MNAT1: variants seen among roughly 807,000 people sequenced by gnomAD.
The protein encoded by MNAT1 is MNAT1 component of CDK activating kinase, also known as CDK-activating kinase assembly factor MAT1.
A neutral mutation model predicts 42.0 loss-of-function variants in MNAT1; 43 were observed. The ratio of observed to expected loss-of-function variants is 1.02; its 90% CI spans 0.80 to 1.32. The LOEUF is 1.32. MNAT1 is among the 40% of genes most tolerant of loss of function. MNAT1 has a pLI of 0.00. For synonymous variants in MNAT1, 118 were observed against 120.0 expected (o/e 0.98, Z 0.11); for missense variants, 306 against 350.4 (o/e 0.87, Z 1.01).
intron 1 of MNAT1, among the ~76,000 whole-genome samples, chr14:60,777,912 C>A (rs2031309879): frequency 6.6e-6 from 1 of 152,096 alleles, no homozygotes; most frequent in African/African-American, 2.4e-5. Context: ...GATGGTTATG[C>A]TTAGTTGGCT....
chr14:60,779,173 G>A (rs2031356386), intron 1 of MNAT1, among the ~76,000 whole-genome samples: 1 of 152,196 alleles, frequency 6.6e-6, no homozygotes, highest in Admixed American at 6.5e-5. Flanking sequence ...TATGGACAGA[G>A]AAGAATATGT....
chr14:60,930,815 A>G (rs2035868486), intron 7 of MNAT1, among the ~76,000 whole-genome samples: 1 of 152,160 alleles, frequency 6.6e-6, no homozygotes, highest in Non-Finnish European at 1.5e-5. Context: ...TCAAATCATG[A>G]AGAATCTTAT....
chr14:60,889,388 G>T (rs1398828827), intron 7 of MNAT1, among the ~76,000 whole-genome samples: 5 of 152,012 alleles, frequency 3.3e-5, no homozygotes. Flanking sequence ...TGGGAAAACT[G>T]GCTAGCCATA....
At chr14:60,827,472 A>G (rs570708949) in intron 6 of MNAT1, among the ~76,000 whole-genome samples, 14 of 152,312 alleles carry the variant, frequency 9.2e-5, no homozygotes, top group African/African-American at 3.1e-4. Context: ...TATGTGAGTT[A>G]TAGAAAATTA....
At chr14:60,917,991 C>A (rs949496686) in intron 7 of MNAT1, among the ~76,000 whole-genome samples, 1 of 151,986 alleles carries the variant, frequency 6.6e-6, no homozygotes, top group Non-Finnish European at 1.5e-5. Context: ...TGGATTCAGG[C>A]TTTCAAATAC....
chr14:60,912,389 G>A (rs930166748), intron 7 of MNAT1, among the ~76,000 whole-genome samples: 52 of 152,162 alleles, frequency 3.4e-4, no homozygotes, highest in African/African-American at 9.9e-4. Flanking sequence ...TATTTTGCTC[G>A]TTAGTTGATG....
Position 60,780,350 on chromosome 14 carries a change from CA to C in MNAT1, c.90-15866del. The C allele has an allele frequency of 3.2e-6, 5 of 1,574,502 alleles. No individual in the cohort carries two copies. In the South Asian group the frequency reaches 5.5e-5, roughly 17 times the overall value. ...CAGAGAAAAGTCTCAGAAAGCTATT[CA>C]GGATGAAATCCGTTCAGTCATCAGA... On this transcript the variant is annotated intron_variant, in intron 1 of 7. Coordinates refer to ENST00000261245, the MANE Select transcript of MNAT1 (RefSeq NM_002431.4).
intron 1 of MNAT1, among the ~76,000 whole-genome samples, chr14:60,761,157 A>G (rs1387648857): frequency 2.0e-5 from 3 of 152,156 alleles, no homozygotes; most frequent in Non-Finnish European, 4.4e-5. Context: ...GTGTGAAGCA[A>G]CGTGTACTGG....
chr14:60,899,908 A>G (rs1045884754), intron 7 of MNAT1, among the ~76,000 whole-genome samples: 1 of 151,096 alleles, frequency 6.6e-6, no homozygotes, highest in Non-Finnish European at 1.5e-5. Context: ...GCATGATTTT[A>G]TCTGTGTGGT....
chr14:60,848,108 C>T (rs968366407), intron 6 of MNAT1, among the ~76,000 whole-genome samples: 1 of 152,152 alleles, frequency 6.6e-6, no homozygotes, highest in Non-Finnish European at 1.5e-5. Context: ...ACTATTTTTA[C>T]AGATTCCTCA....
intron 5 of MNAT1, among the ~76,000 whole-genome samples, chr14:60,817,002 G>T (rs2032736353): frequency 6.6e-6 from 1 of 151,646 alleles, no homozygotes; most frequent in African/African-American, 2.4e-5. Flanking sequence ...CTTTTTTTTT[G>T]AAGTTAATAC....
In MNAT1 at chr14:60,784,685, G is replaced by A. The variant is rs1238401482; in HGVS notation, c.90-11532G>A. 5.9e-5 allele frequency among the ~76,000 whole-genome samples: 9 copies of A among 151,340 alleles called. No individual in the cohort carries two copies. The East Asian group carries it at 1.8e-3, about 30-fold the overall frequency. On this transcript the variant is annotated intron_variant, in intron 1 of 7. Transcript: ENST00000261245. Reference sequence around the variant, plus strand: ...TCTACATGTTGGCCAGGCTAGTCTCGAACTCCTGACTTTGTGATCCGCCCA... The same window carrying A: ...TCTACATGTTGGCCAGGCTAGTCTCAAACTCCTGACTTTGTGATCCGCCCA...
rs541694959 is a variant in MNAT1, at chr14:60,747,134, G to A, written c.89+12183G>A. Among the ~76,000 whole-genome samples the A allele has an allele frequency of 1.1e-4, 16 of 150,086 alleles. No homozygotes were observed. In the East Asian group the frequency reaches 1.6e-3, roughly 15 times the overall value. ...CTGAGTAGCTGGACTACAGGTGCCC[G>A]CCACCACGCCCGGCTAATTTTTTGT... On this transcript the variant is annotated intron_variant, in intron 1 of 7. Coordinates refer to ENST00000261245, the MANE Select transcript of MNAT1 (RefSeq NM_002431.4).
At chr14:60,838,152 T>G in intron 6 of MNAT1, among the ~76,000 whole-genome samples, 1 of 152,146 alleles carries the variant, frequency 6.6e-6, no homozygotes, top group African/African-American at 2.4e-5. Flanking sequence ...TTTCTTTTTT[T>G]TAGGCAGTAT....
chr14:60,906,689 T>G (rs1238028848), intron 7 of MNAT1, among the ~76,000 whole-genome samples: 1 of 152,180 alleles, frequency 6.6e-6, no homozygotes, highest in African/African-American at 2.4e-5. Flanking sequence ...TTGTGTTGTT[T>G]ATAGAGATTT....
intron 7 of MNAT1, among the ~76,000 whole-genome samples, chr14:60,894,376 T>G (rs1189499799): frequency 6.6e-6 from 1 of 152,102 alleles, no homozygotes; most frequent in Non-Finnish European, 1.5e-5. Flanking sequence ...CTCATCTTTC[T>G]TTTTTAGTCT....
chr14:60,893,167 A>G (rs2034881850), intron 7 of MNAT1, among the ~76,000 whole-genome samples: 1 of 151,998 alleles, frequency 6.6e-6, no homozygotes, highest in African/African-American at 2.4e-5. Context: ...AAAAGTTAGG[A>G]TAATTTCTCT....
intron 1 of MNAT1, among the ~76,000 whole-genome samples, chr14:60,746,321 C>T (rs1043757056): frequency 6.6e-6 from 1 of 152,006 alleles, no homozygotes; most frequent in Non-Finnish European, 1.5e-5. Context: ...CGAGACCAGC[C>T]TGACCAACAT....
intron 1 of MNAT1, among the ~76,000 whole-genome samples, chr14:60,757,872 A>G (rs1463138879): frequency 1.3e-5 from 2 of 152,148 alleles, no homozygotes; most frequent in Non-Finnish European, 2.9e-5. Flanking sequence ...CAAGGAGTTG[A>G]TGATGCAAAG....
Sources: gnomAD v4.1 joint callset for allele counts (sites outside exome capture counted in the v4.1 genomes callset) on GRCh38, gnomAD v4.1.1 for gene constraint, MANE v1.5 for transcripts, NCBI Gene and HGNC (gene_info 2026-07-23, HGNC 2026-07-21) for gene names.